GPC6: variants seen among roughly 807,000 people sequenced by gnomAD.
GPC6 encodes the protein glypican 6.
A neutral mutation model predicts 55.2 loss-of-function variants in GPC6; 14 were observed. That is an observed-to-expected ratio of 0.25 (90% CI 0.17 to 0.40). The LOEUF (loss-of-function observed/expected upper bound fraction) is 0.40, where lower values mean the gene tolerates loss of function less well. GPC6 is among the 10% of genes least tolerant of loss of function. The pLI is 1.00. For synonymous variants in GPC6, 278 were observed against 259.6 expected, an observed-to-expected ratio of 1.07 and a Z score of -0.68; for missense variants, 641 against 708.5, an observed-to-expected ratio of 0.90 and a Z score of 1.08.
chr13:94,292,252 A>C (rs560925133), intron 5 of GPC6, among the ~76,000 whole-genome samples: 2 of 100,294 alleles, frequency 2.0e-5, no homozygotes, highest in South Asian at 9.6e-4. Flanking sequence ...TCGCTAATCG[A>C]TGCATAACCC....
At chr13:93,749,079 T>C (rs998520845) in intron 2 of GPC6, among the ~76,000 whole-genome samples, 1 of 152,026 alleles carries the variant, frequency 6.6e-6, no homozygotes, top group African/African-American at 2.4e-5. Flanking sequence ...ATTTCTGAAG[T>C]AATCAACTAT....
At chr13:93,424,971 C>T (rs1246289893) in intron 1 of GPC6, among the ~76,000 whole-genome samples, 1 of 152,208 alleles carries the variant, frequency 6.6e-6, no homozygotes, top group East Asian at 1.9e-4. Context: ...CACCTACCCC[C>T]AACACACAGA....
At chr13:93,341,592 TA>T (rs1374592961) in intron 1 of GPC6, among the ~76,000 whole-genome samples, 1 of 152,168 alleles carries the variant, frequency 6.6e-6, no homozygotes, top group Non-Finnish European at 1.5e-5. Flanking sequence ...TTGATGGAGT[TA>T]TTTGTTTTAT....
chr13:93,727,989 A>T (rs547503332), intron 2 of GPC6, among the ~76,000 whole-genome samples: 1 of 152,110 alleles, frequency 6.6e-6, no homozygotes, highest in Admixed American at 6.6e-5. Context: ...CGTTCCCTCC[A>T]GCTGAAACCC....
intron 1 of GPC6, among the ~76,000 whole-genome samples, chr13:93,276,491 AGAGAGTGTGT>A (rs1187575726): frequency 7.8e-4 from 100 of 128,700 alleles, no homozygotes; most frequent in African/African-American, 2.2e-3. Flanking sequence ...AGAGAGAGAG[AGAGAGTGTGT>A]GTGTGTGTGT....
intron 4 of GPC6, among the ~76,000 whole-genome samples, chr13:94,193,511 G>A (rs1566527117): frequency 6.6e-6 from 1 of 152,150 alleles, no homozygotes; most frequent in Non-Finnish European, 1.5e-5. Context: ...TTGAGGCAAA[G>A]GGATGCTCTT....
intron 3 of GPC6, among the ~76,000 whole-genome samples, chr13:94,023,906 A>C (rs1594674181): frequency 1.3e-5 from 2 of 152,218 alleles, no homozygotes; most frequent in East Asian, 3.9e-4. Flanking sequence ...GGTTTTATTT[A>C]TATAGAATTC....
At chr13:93,828,974 T>C (rs73551724) in intron 2 of GPC6, among the ~76,000 whole-genome samples, 5,970 of 152,238 alleles carry the variant, frequency 0.039, 159 homozygotes, top group African/African-American at 0.067. Context: ...TTCTGTATCT[T>C]AGCAGAGAAT....
At chr13:93,358,438 C>A (rs918452011) in intron 1 of GPC6, among the ~76,000 whole-genome samples, 4 of 152,084 alleles carry the variant, frequency 2.6e-5, no homozygotes, top group African/African-American at 7.2e-5. Context: ...CCTTACAATA[C>A]CAAGAGGTGG....
At chr13:94,030,460 G>C (rs779827163) in intron 4 of GPC6, among the ~76,000 whole-genome samples, 6 of 152,188 alleles carry the variant, frequency 3.9e-5, no homozygotes, top group Admixed American at 1.3e-4. Flanking sequence ...TGGGTGTGAA[G>C]TGTTAGTTCA....
Position 93,343,317 on chromosome 13 carries a change from C to T in GPC6, c.160+115701C>T, listed in dbSNP as rs142853892. 6.2e-4 allele frequency among the ~76,000 whole-genome samples: 94 copies of T among 152,262 alleles called. No individual in the cohort carries two copies. In the East Asian group the frequency reaches 0.016, roughly 26 times the overall value. ...TCATTTGGATTGGCTGAGTCCCATA[C>T]GTTCCTTGTGCTTGCAGAGAGGGTC... On this transcript the variant is annotated intron_variant, in intron 1 of 8. Transcript: ENST00000377047.
intron 4 of GPC6, among the ~76,000 whole-genome samples, chr13:94,169,654 C>T (rs909630428): frequency 4.6e-5 from 7 of 152,142 alleles, no homozygotes; most frequent in Admixed American, 2.0e-4. Flanking sequence ...GAAAGCACTG[C>T]TACAAAGGAA....
At chr13:94,204,578 G>C (rs958474871) in intron 4 of GPC6, among the ~76,000 whole-genome samples, 1 of 152,044 alleles carries the variant, frequency 6.6e-6, no homozygotes, top group Non-Finnish European at 1.5e-5. Flanking sequence ...TTATGGCTCT[G>C]TGAAATATCA....
intron 3 of GPC6, among the ~76,000 whole-genome samples, chr13:94,020,987 A>G (rs1236341710): frequency 6.6e-6 from 1 of 152,148 alleles, no homozygotes; most frequent in East Asian, 1.9e-4. Context: ...GAGGAAAATC[A>G]AAAGATCATA....
At chr13:94,256,287 G>T (rs1891502303) in intron 4 of GPC6, among the ~76,000 whole-genome samples, 1 of 152,192 alleles carries the variant, frequency 6.6e-6, no homozygotes, top group African/African-American at 2.4e-5. Flanking sequence ...AAGAAGATTT[G>T]TGTCTCAGTG....
intron 1 of GPC6, among the ~76,000 whole-genome samples, chr13:93,326,989 C>T (rs1021981296): frequency 3.9e-5 from 6 of 152,084 alleles, no homozygotes; most frequent in African/African-American, 9.7e-5. Context: ...TTGATTGCCT[C>T]GCTAGACAAA....
chr13:93,708,705 G>A (rs1882941132), intron 2 of GPC6, among the ~76,000 whole-genome samples: 1 of 151,648 alleles, frequency 6.6e-6, no homozygotes, highest in African/African-American at 2.4e-5. Context: ...TTTTAACAAT[G>A]ACAGATATTT....
rs540875770 is a variant in GPC6, at chr13:93,920,779, G to A, written c.711+90234G>A. ...TTTTCTCTGCTTTCCACTGCATTCT[G>A]TCCAGGGCTACCTATACCAATCTTC... On this transcript the variant is annotated intron_variant, in intron 3 of 8. Transcript: ENST00000377047. Among the ~76,000 whole-genome samples, 8 of 152,198 alleles carry A rather than the reference G, an allele frequency of 5.3e-5. No homozygotes were observed. In the South Asian group the frequency reaches 1.5e-3, roughly 28 times the overall value.
intron 3 of GPC6, among the ~76,000 whole-genome samples, chr13:93,901,465 G>T (rs1876346487): frequency 6.6e-6 from 1 of 152,030 alleles, no homozygotes; most frequent in Non-Finnish European, 1.5e-5. Flanking sequence ...ACCTTGAAAA[G>T]ACTCCCGTTT....
Sources: gnomAD v4.1 joint callset for allele counts (sites outside exome capture counted in the v4.1 genomes callset) on GRCh38, gnomAD v4.1.1 for gene constraint, MANE v1.5 for transcripts, NCBI Gene and HGNC (gene_info 2026-07-23, HGNC 2026-07-21) for gene names.